Variants in ZDHHC11 observed in about 807,000 individuals in gnomAD.
ZDHHC11 encodes zDHHC palmitoyltransferase 11.
A neutral mutation model predicts 51.3 loss-of-function variants in ZDHHC11; 44 were observed. The ratio of observed to expected loss-of-function variants is 0.86; its 90% CI spans 0.67 to 1.10. ZDHHC11 has a LOEUF of 1.10. Among genes scored for constraint, ZDHHC11 ranks in the 50% least tolerant of loss-of-function variants. The pLI is 0.00. For missense variants in ZDHHC11, 400 were observed against 537.7 expected, an observed-to-expected ratio of 0.74 and a Z score of 2.53; for synonymous variants, 163 against 222.0, an observed-to-expected ratio of 0.73 and a Z score of 2.36.
chr5:807,253 T>TAA lies in ZDHHC11; in HGVS notation c.1182-6091_1182-6090dup, dbSNP rs11385305. 7.8e-3 allele frequency among the ~76,000 whole-genome samples: 1,144 copies of TAA among 146,642 alleles called. 25 individuals carry two copies. The highest frequency in any genetic ancestry group is 0.015 in the African/African-American group (605 of 40,204). ...TACATACACACAATGCCCTTTCTGT[T>TAA]AAAAAAAAAAATGAAAAAGTATCCA... On this transcript the variant is annotated intron_variant, in intron 11 of 12. Transcript: ENST00000283441.
intron 8 of ZDHHC11, among the ~76,000 whole-genome samples, chr5:824,304 A>G (rs1457687953): frequency 6.6e-6 from 1 of 151,352 alleles, no homozygotes; most frequent in Non-Finnish European, 1.5e-5. Context: ...TAAGAAATAA[A>G]AAATAAATTG....
In ZDHHC11 at chr5:848,604, G is replaced by A. The variant is rs758924134; in HGVS notation, c.279C>T (p.Ile93=). ...HLVVHLIASC[I]DPADSNVRLM... ...GTCTGACATTGGAGTCGGCCGGGTC[G>A]ATGCAGGACGCGATCAGGTGGACGA... The change falls in exon 2 of 13, where the codon ATC becomes ATT. Residue 93 remains isoleucine, a synonymous_variant. Transcript: ENST00000283441. 17 of 1,601,164 alleles carry A rather than the reference G, an allele frequency of 1.1e-5. No homozygotes were observed. In the East Asian group the frequency reaches 2.5e-4, roughly 23 times the overall value.
In ZDHHC11 at chr5:802,825, C is replaced by CAAAAAAAAAAAAA. The variant is rs70957306; in HGVS notation, c.1182-1674_1182-1662dup. 2.1e-4 allele frequency among the ~76,000 whole-genome samples: 4 copies of CAAAAAAAAAAAAA among 19,116 alleles called. 1 individual carries two copies. Among genetic ancestry groups the CAAAAAAAAAAAAA allele is most frequent in the Non-Finnish European group, 6.7e-4 (4 of 5,928 alleles). 12.5% of individuals were successfully genotyped at this position (19,116 alleles called of 152,430 possible). On this transcript the variant is annotated intron_variant, in intron 11 of 12. Coordinates refer to ENST00000283441, the MANE Select transcript of ZDHHC11 (RefSeq NM_024786.3). ...TGTCTCTACTAAAAATACAAAAATA[C>CAAAAAAAAAAAAA]AAAAAAAAAAAAAAAAAAAAAAAAA...
At chr5:802,936 G>A (rs183319281) in intron 11 of ZDHHC11, among the ~76,000 whole-genome samples, 3 of 142,966 alleles carry the variant, frequency 2.1e-5, no homozygotes, top group Non-Finnish European at 4.6e-5. Flanking sequence ...CAGGAGAATG[G>A]TGTGAACCTG....
chr5:822,640 A>T (rs1474073693), intron 8 of ZDHHC11, among the ~76,000 whole-genome samples: 2 of 150,942 alleles, frequency 1.3e-5, no homozygotes, highest in East Asian at 3.9e-4. Flanking sequence ...AGTTCTCCAA[A>T]CTCTTCACCA....
intron 11 of ZDHHC11, among the ~76,000 whole-genome samples, chr5:806,782 A>G (rs1739319184): frequency 7.0e-6 from 1 of 141,960 alleles, no homozygotes; most frequent in African/African-American, 2.9e-5. Context: ...CAGATTCATT[A>G]ATAATGAGGG....
At chr5:799,488 C>G in intron 12 of ZDHHC11, among the ~76,000 whole-genome samples, 1 of 151,672 alleles carries the variant, frequency 6.6e-6, no homozygotes, top group East Asian at 1.9e-4. Context: ...GTGTCCATCA[C>G]TGTTAGTCAC....
upstream of ZDHHC11, among the ~76,000 whole-genome samples, chr5:859,947 A>G (rs775802296): frequency 4.6e-5 from 7 of 152,056 alleles, no homozygotes; most frequent in Non-Finnish European, 7.4e-5. Context: ...ACAGGGATGC[A>G]CCCTTTCTGT....
upstream of ZDHHC11, among the ~76,000 whole-genome samples, chr5:851,793 C>T (rs1474500176): frequency 6.6e-6 from 1 of 152,158 alleles, no homozygotes; most frequent in Non-Finnish European, 1.5e-5. Flanking sequence ...CGGGGGCTCA[C>T]GCCTGTAATC....
chr5:853,010 C>T (rs574197747), upstream of ZDHHC11, among the ~76,000 whole-genome samples: 1 of 145,622 alleles, frequency 6.9e-6, no homozygotes, highest in South Asian at 2.2e-4. Context: ...GGGACAGACC[C>T]CATGGAGGAC....
At chr5:822,008 A>T (rs12656150) in intron 8 of ZDHHC11, 113 bp from the exon 9 acceptor site, 136,611 of 919,666 alleles carry the variant, frequency 0.15, 17,561 homozygotes, top group African/African-American at 0.53. Context: ...GTAATGGTAC[A>T]TCAAGGTTGC....
At chr5:808,558 C>G (rs1249778982) in intron 11 of ZDHHC11, among the ~76,000 whole-genome samples, 1 of 150,128 alleles carries the variant, frequency 6.7e-6, no homozygotes, top group Admixed American at 6.6e-5. Flanking sequence ...TATTTTGAGA[C>G]GTAGTCTCAC....
intron 3 of ZDHHC11, 150 bp from the exon 4 acceptor site, chr5:843,874 T>TGCAGGGCAG: frequency 2.7e-6 from 1 of 374,470 alleles, no homozygotes; most frequent in East Asian, 2.1e-4. Flanking sequence ...ATGCGGGGCA[T>TGCAGGGCAG]GTGGGACAGG....
chr5:819,428 T>C, intron 10 of ZDHHC11, 97 bp downstream of exon 10: 1 of 1,356,774 alleles, frequency 7.4e-7, no homozygotes, highest in Non-Finnish European at 1.0e-6. Flanking sequence ...AGTGCTTCCC[T>C]TTTGAATACT....
chr5:856,554 ACACCACACATG>A (rs1351407258), intron 1 of ZDHHC11, among the ~76,000 whole-genome samples: 1 of 151,152 alleles, frequency 6.6e-6, no homozygotes, highest in Non-Finnish European at 1.5e-5. Flanking sequence ...AACTCCATGC[ACACCACACATG>A]CACCACACAC....
At chr5:797,737 A>T (rs1017678129) in intron 12 of ZDHHC11, among the ~76,000 whole-genome samples, 1 of 151,560 alleles carries the variant, frequency 6.6e-6, no homozygotes, top group African/African-American at 2.4e-5. Context: ...TGAAATATTT[A>T]TGTGTCTGTT....
upstream of ZDHHC11, among the ~76,000 whole-genome samples, chr5:851,150 CCT>C (rs748195030): frequency 3.3e-5 from 5 of 152,238 alleles, no homozygotes; most frequent in East Asian, 1.9e-4. Context: ...CCAGATCCTC[CCT>C]GAGAGGCTTC....
intron 1 of ZDHHC11, among the ~76,000 whole-genome samples, chr5:857,971 CGT>C (rs1748502204): frequency 7.1e-6 from 1 of 141,160 alleles, no homozygotes; most frequent in Non-Finnish European, 1.5e-5. Context: ...TCCTGGTCCC[CGT>C]CCTATCTTTA....
Position 843,611 on chromosome 5 carries a change from G to A in ZDHHC11, c.617C>T (p.Pro206Leu). 6 of 1,608,364 alleles carry A rather than the reference G, an allele frequency of 3.7e-6. No homozygotes were observed. The highest frequency in any genetic ancestry group is 5.1e-6 in the Non-Finnish European group (6 of 1,176,688). Residue 206 changes from proline (P) to leucine (L), a missense_variant, in exon 4 of 13, where the codon CCC becomes CTC. This residue lies in a region of ZDHHC11 where 26 missense variants were observed against 47.1 expected (regional missense o/e 0.55). Transcript: ENST00000283441. Reference sequence around the variant, plus strand: ...CGGCGGCCACGTACCTTCATACCTGGGGTCCGTGCGGAGCACCCCGGGGTT... The same window carrying A: ...CGGCGGCCACGTACCTTCATACCTGAGGTCCGTGCGGAGCACCCCGGGGTT... ...LVNPGVLRTD[P>L]RYEDVKNMNT...
Sources: gnomAD v4.1 joint callset for allele counts (sites outside exome capture counted in the v4.1 genomes callset) on GRCh38, gnomAD v4.1.1 for gene constraint, gnomAD v4.1.1 regional missense constraint, MANE v1.5 for transcripts, NCBI Gene and HGNC (gene_info 2026-07-23, HGNC 2026-07-21) for gene names.